STAG1: variants seen among roughly 807,000 people sequenced by gnomAD.
The protein encoded by STAG1 is STAG1 cohesin complex component.
STAG1 carries 26 observed loss-of-function variants against 170.9 expected under a neutral mutation model. The observed-to-expected ratio is 0.15, with a 90% CI of 0.11 to 0.21. STAG1 has a LOEUF of 0.21. Ranked by LOEUF, STAG1 falls within the 10% of genes least tolerant of loss-of-function variation. The pLI is 1.00. For synonymous variants in STAG1, 514 were observed against 497.7 expected, an observed-to-expected ratio of 1.03 and a Z score of -0.44; for missense variants, 964 against 1,509.5, an observed-to-expected ratio of 0.64 and a Z score of 5.99.
intron 7 of STAG1, among the ~76,000 whole-genome samples, chr3:136,516,444 G>T (rs1032427830): frequency 6.6e-6 from 1 of 151,976 alleles, no homozygotes; most frequent in African/African-American, 2.4e-5. Context: ...GGAAGCGGGG[G>T]TTGCAAGGAA....
intron 2 of STAG1, 26 bp from the exon 3 acceptor site, chr3:136,623,274 G>T: frequency 6.3e-7 from 1 of 1,591,492 alleles, no homozygotes; most frequent in South Asian, 1.1e-5. Context: ...TTATTTTAGC[G>T]AACAAATTAA....
intron 1 of STAG1, among the ~76,000 whole-genome samples, chr3:136,729,414 T>C (rs1310823036): frequency 6.6e-6 from 1 of 152,124 alleles, no homozygotes; most frequent in African/African-American, 2.4e-5. Flanking sequence ...GAATTAATTA[T>C]ATTCAAATAC....
intron 1 of STAG1, among the ~76,000 whole-genome samples, chr3:136,727,886 G>A (rs552027594): frequency 5.3e-5 from 8 of 152,176 alleles, no homozygotes; most frequent in African/African-American, 1.4e-4. Context: ...GGCCGGGAGC[G>A]GTGGCTCATG....
chr3:136,724,721 G>A (rs1006927355), intron 1 of STAG1, among the ~76,000 whole-genome samples: 9 of 152,084 alleles, frequency 5.9e-5, no homozygotes, highest in African/African-American at 2.2e-4. Context: ...TCAGAAAGAT[G>A]AAGTGATGTG....
rs1407000384 is a variant in STAG1, at chr3:136,474,387, C to A, written c.1027-750G>T. ...TTCTATATAATTTATTAGCTACATG[C>A]AAGATGTTAAGTATATTATTAATCA... is the stretch of plus-strand genomic sequence containing the variant. On this transcript the variant is annotated intron_variant, in intron 10 of 33. Transcript: ENST00000383202. Among the ~76,000 whole-genome samples, 3 of 152,114 alleles carry A rather than the reference C, an allele frequency of 2.0e-5. No individual in the cohort carries two copies. In the South Asian group the frequency reaches 6.2e-4, roughly 31 times the overall value.
In STAG1 at chr3:136,398,733, A is replaced by G; in HGVS notation, c.2277+16T>C. ...TTTCAGTAATAACCCTTCTGCCTAC[A>G]GAAACTCTTACTTACTTTGGAAGGA... is the stretch of plus-strand genomic sequence containing the variant. On this transcript the variant is annotated intron_variant, in intron 22 of 33. Transcript: ENST00000383202. The G allele has an allele frequency of 6.4e-7, 1 of 1,564,352 alleles. No homozygotes were observed. Among genetic ancestry groups the G allele is most frequent in the Non-Finnish European group, 8.7e-7 (1 of 1,146,446 alleles).
At position 136,579,958 on chromosome 3, in the gene STAG1, A is replaced by ATTTTTTTTTTTTTTTTTTTTT. The variant is rs749325884; in HGVS notation, c.298-11118_298-11098dup. On this transcript the variant is annotated intron_variant, in intron 4 of 33. Transcript: ENST00000383202. ...CTATTTTGGTCACAATACCATCTGAATTTTTTTTTTTTTTTTTTTTTTTTT... is the reference window on the plus strand; with the variant it reads ...CTATTTTGGTCACAATACCATCTGAATTTTTTTTTTTTTTTTTTTTTTTTTTTTTTTTTTTTTTTTTTTTTT... Among the ~76,000 whole-genome samples the ATTTTTTTTTTTTTTTTTTTTT allele has an allele frequency of 2.3e-4, 17 of 73,646 alleles. 1 individual carries two copies. The highest frequency in any genetic ancestry group is 3.5e-4 in the African/African-American group (6 of 17,064). 48.3% of individuals were successfully genotyped at this position (73,646 alleles called of 152,430 possible).
chr3:136,590,155 G>A (rs1429176866), intron 4 of STAG1, among the ~76,000 whole-genome samples: 1 of 149,912 alleles, frequency 6.7e-6, no homozygotes, highest in African/African-American at 2.4e-5. Context: ...ATGTATCTCT[G>A]AGAAACAGAA....
intron 1 of STAG1, among the ~76,000 whole-genome samples, chr3:136,713,978 C>T (rs1436382507): frequency 3.9e-5 from 6 of 152,094 alleles, no homozygotes; most frequent in South Asian, 2.1e-4. Context: ...GAGCCAAGAT[C>T]GTGCCGTTGC....
intron 4 of STAG1, among the ~76,000 whole-genome samples, chr3:136,573,914 T>C (rs1937356803): frequency 1.3e-5 from 2 of 151,816 alleles, no homozygotes; most frequent in African/African-American, 4.8e-5. Context: ...GAGTTTGCAG[T>C]GAGCGGAGAT....
At position 136,363,346 on chromosome 3, in the gene STAG1, CCT is replaced by C; in HGVS notation, c.2787+18_2787+19del. ...TAATGTTATTTCCATTCTTTGTCTC[CCT>C]CTCTCCAAATTTCTTACCTGTTGCA... On this transcript the variant is annotated intron_variant, in intron 26 of 33. Coordinates refer to ENST00000383202, the MANE Select transcript of STAG1 (RefSeq NM_005862.3). 7.8e-7 allele frequency: 1 copy of C among 1,279,360 alleles called. No homozygotes were observed. The highest frequency in any genetic ancestry group is 1.1e-6 in the Non-Finnish European group (1 of 883,596). 79.3% of individuals were successfully genotyped at this position (1,279,360 alleles called of 1,614,324 possible). A position where few individuals can be genotyped will look rare whatever the true frequency, so the allele number is the denominator to read the frequency against.
chr3:136,586,633 G>A lies in STAG1; in HGVS notation c.297+17676C>T, dbSNP rs566708563. Among the ~76,000 whole-genome samples the A allele has an allele frequency of 5.9e-5, 9 of 152,240 alleles. No homozygotes were observed. In the South Asian group the frequency reaches 1.9e-3, roughly 32 times the overall value. ...GGCAGTGAATGCTCTTCTTATCTTG[G>A]CACTAATCAGCAGCTTTTATAATCT... On this transcript the variant is annotated intron_variant, in intron 4 of 33. Transcript: ENST00000383202.
intron 6 of STAG1, among the ~76,000 whole-genome samples, chr3:136,524,598 G>C (rs1279587025): frequency 6.6e-6 from 1 of 152,094 alleles, no homozygotes; most frequent in Non-Finnish European, 1.5e-5. Context: ...TCTTTCTCCT[G>C]CCTGACTGCC....
At chr3:136,751,640 C>G (rs1165437926) in intron 1 of STAG1, among the ~76,000 whole-genome samples, 1 of 152,170 alleles carries the variant, frequency 6.6e-6, no homozygotes, top group Non-Finnish European at 1.5e-5. Flanking sequence ...GGCCAGCCGC[C>G]CCGCCGAGCG....
At chr3:136,666,820 T>TAAA (rs754138930) in intron 1 of STAG1, among the ~76,000 whole-genome samples, 2 of 132,486 alleles carry the variant, frequency 1.5e-5, no homozygotes, top group Non-Finnish European at 3.3e-5. Context: ...ACTCTGTCTT[T>TAAA]AAAAAAAAAA....
intron 4 of STAG1, among the ~76,000 whole-genome samples, chr3:136,577,166 CT>C (rs1937495870): frequency 6.6e-6 from 1 of 152,158 alleles, no homozygotes; most frequent in African/African-American, 2.4e-5. Context: ...AAGAAAGATC[CT>C]TTTAAGTACA....
At chr3:136,445,536 G>A (rs1166671650) in intron 14 of STAG1, among the ~76,000 whole-genome samples, 3 of 152,112 alleles carry the variant, frequency 2.0e-5, no homozygotes, top group Non-Finnish European at 4.4e-5. Flanking sequence ...GAGATAAATG[G>A]CAGTGATGAC....
At chr3:136,421,056 C>A (rs779267335) in intron 20 of STAG1, 37 bp downstream of exon 20, 2 of 1,368,180 alleles carry the variant, frequency 1.5e-6, no homozygotes, top group South Asian at 1.3e-5. Context: ...CAGGCATGAG[C>A]CACCTCGTTG....
chr3:136,589,075 G>A (rs1938005300), intron 4 of STAG1, among the ~76,000 whole-genome samples: 1 of 151,950 alleles, frequency 6.6e-6, no homozygotes, highest in Non-Finnish European at 1.5e-5. Context: ...ATTTTTAATA[G>A]ACATGGGGTT....
Sources: allele counts gnomAD v4.1 joint callset (sites outside exome capture counted in the v4.1 genomes callset), GRCh38; gene constraint gnomAD v4.1.1; transcripts MANE v1.5; gene names NCBI Gene and HGNC (gene_info 2026-07-23, HGNC 2026-07-21).